The following CLMP variants were observed in gnomAD, a reference collection of about 807,000 sequenced individuals.
The protein encoded by CLMP is CXADR like cell adhesion molecule, also known as CXADR-like membrane protein.
Under a neutral mutation model 45.2 loss-of-function variants are expected in CLMP, and 27 were observed. The ratio of observed to expected loss-of-function variants is 0.60; its 90% CI spans 0.44 to 0.82. The LOEUF (loss-of-function observed/expected upper bound fraction) is 0.82. Among genes scored for constraint, CLMP ranks in the 40% least tolerant of loss-of-function variants. The pLI is 0.00. For synonymous variants in CLMP, 167 were observed against 171.4 expected (o/e 0.97, Z 0.20); for missense variants, 403 against 448.4 (o/e 0.90, Z 0.91).
chr11:123,073,499 T>C lies in CLMP; in HGVS notation c.1097A>G (p.Gln366Arg), dbSNP rs1865697722. Residue 366 changes from glutamine to arginine, a missense_variant, in exon 7 of 7, where the codon CAG becomes CGG. By Grantham distance (43) the Gln-to-Arg change is conservative. Coordinates refer to ENST00000448775, the MANE Select transcript of CLMP (RefSeq NM_024769.5). ...AETTPSMIPS[Q>R]SRAFQTV is the part of the protein sequence containing the mutation. ...TCAGACCGTTTGGAAGGCTCTGCTC[T>C]GGCTGGGGATCATGCTGGGTGTGGT... 6.2e-7 allele frequency: 1 copy of C among 1,613,856 alleles called. No homozygotes were observed. The highest frequency in any genetic ancestry group is 8.5e-7 in the Non-Finnish European group (1 of 1,179,864).
intron 1 of CLMP, among the ~76,000 whole-genome samples, chr11:123,106,279 T>C (rs1860547958): frequency 6.6e-6 from 1 of 152,132 alleles, no homozygotes; most frequent in Non-Finnish European, 1.5e-5. Context: ...TTGTATGCCT[T>C]TTCTCCTATT....
At chr11:123,101,399 A>C (rs1866058053) in intron 1 of CLMP, among the ~76,000 whole-genome samples, 1 of 152,142 alleles carries the variant, frequency 6.6e-6, no homozygotes, top group Non-Finnish European at 1.5e-5. Flanking sequence ...GAGCCACCAA[A>C]CCCGGCCTCC....
intron 2 of CLMP, among the ~76,000 whole-genome samples, chr11:123,087,968 T>G (rs926841553): frequency 1.3e-5 from 2 of 150,082 alleles, no homozygotes; most frequent in African/African-American, 4.9e-5. Flanking sequence ...TGGGGTGCAA[T>G]GGCATGATCT....
intron 1 of CLMP, among the ~76,000 whole-genome samples, chr11:123,128,998 A>G (rs186141806): frequency 1.5e-4 from 23 of 152,264 alleles, no homozygotes; most frequent in Non-Finnish European, 1.5e-4. Context: ...GTTAAACTGA[A>G]GATCTGTCTG....
chr11:123,186,318 A>T (rs947271280), intron 1 of CLMP, among the ~76,000 whole-genome samples: 1 of 152,184 alleles, frequency 6.6e-6, no homozygotes, highest in Non-Finnish European at 1.5e-5. Flanking sequence ...GAAACGAACC[A>T]ACCAGTTATA....
chr11:123,094,294 G>A (rs1366134555), intron 2 of CLMP, among the ~76,000 whole-genome samples: 7 of 152,042 alleles, frequency 4.6e-5, no homozygotes, highest in African/African-American at 7.2e-5. Context: ...TTTAGTAGAG[G>A]TGGGGTTTCA....
At chr11:123,105,973 C>A (rs1266784067) in intron 1 of CLMP, among the ~76,000 whole-genome samples, 1 of 151,934 alleles carries the variant, frequency 6.6e-6, no homozygotes, top group Admixed American at 6.6e-5. Context: ...CACGCCACCA[C>A]GCCTGGCTAA....
intron 1 of CLMP, among the ~76,000 whole-genome samples, chr11:123,139,651 C>A (rs1861126324): frequency 6.6e-6 from 1 of 151,986 alleles, no homozygotes. Context: ...ATGGTGAAAC[C>A]TCGTCTCTAC....
intron 1 of CLMP, 36 bp downstream of exon 1, chr11:123,194,877 G>A: frequency 6.2e-7 from 1 of 1,612,710 alleles, no homozygotes; most frequent in South Asian, 1.1e-5. Context: ...GTTTGCCCAC[G>A]GCCATCCAAA....
At chr11:123,108,056 G>T (rs955919587) in intron 1 of CLMP, among the ~76,000 whole-genome samples, 1 of 152,138 alleles carries the variant, frequency 6.6e-6, no homozygotes, top group East Asian at 1.9e-4. Flanking sequence ...GGAGGGAAAA[G>T]AATTCTAGAC....
intron 1 of CLMP, among the ~76,000 whole-genome samples, chr11:123,139,587 G>C (rs1431378428): frequency 6.6e-6 from 1 of 152,164 alleles, no homozygotes; most frequent in African/African-American, 2.4e-5. Context: ...AGCACATTGG[G>C]AGGCTGAAGC....
intron 1 of CLMP, among the ~76,000 whole-genome samples, chr11:123,107,768 T>C (rs1860581148): frequency 6.6e-6 from 1 of 151,820 alleles, no homozygotes; most frequent in Non-Finnish European, 1.5e-5. Flanking sequence ...TGTTAGCATT[T>C]GGCTATATTT....
chr11:123,141,318 G>A (rs1342419011), intron 1 of CLMP, among the ~76,000 whole-genome samples: 3 of 151,238 alleles, frequency 2.0e-5, no homozygotes, highest in Non-Finnish European at 4.4e-5. Context: ...CCGAGTAGCT[G>A]GGACTACAGG....
intron 1 of CLMP, among the ~76,000 whole-genome samples, chr11:123,107,018 C>CAA (rs1244006146): frequency 7.9e-6 from 1 of 126,692 alleles, no homozygotes; most frequent in Non-Finnish European, 1.7e-5. Context: ...GACTCCGTCT[C>CAA]AAAAAAAAAA....
intron 1 of CLMP, among the ~76,000 whole-genome samples, chr11:123,125,504 C>CCTTCCCT (rs1296544541): frequency 1.4e-5 from 1 of 71,094 alleles, no homozygotes; most frequent in African/African-American, 5.5e-5. Flanking sequence ...TCCCTTCTTC[C>CCTTCCCT]TCCCTTCCCT....
intron 1 of CLMP, among the ~76,000 whole-genome samples, chr11:123,153,841 C>A (rs1001450842): frequency 1.4e-5 from 2 of 138,810 alleles, no homozygotes; most frequent in African/African-American, 2.8e-5. Context: ...TGCCACCATG[C>A]CTCACTTTTT....
chr11:123,144,911 C>G (rs923467909), intron 1 of CLMP, among the ~76,000 whole-genome samples: 5 of 152,034 alleles, frequency 3.3e-5, no homozygotes, highest in Admixed American at 6.6e-5. Context: ...CCTGCTGTCC[C>G]GGTTTTTCAG....
At chr11:123,146,583 C>G (rs1861241527) in intron 1 of CLMP, among the ~76,000 whole-genome samples, 2 of 152,142 alleles carry the variant, frequency 1.3e-5, no homozygotes, top group Admixed American at 1.3e-4. Flanking sequence ...TCTTAAAATT[C>G]TGGCCTCAGC....
At chr11:123,136,529 T>A (rs960505982) in intron 1 of CLMP, among the ~76,000 whole-genome samples, 1 of 147,572 alleles carries the variant, frequency 6.8e-6, no homozygotes, top group Non-Finnish European at 1.5e-5. Context: ...TAATATTTCA[T>A]GGCTGGAACT....
Sources: gnomAD v4.1 joint callset for allele counts (sites outside exome capture counted in the v4.1 genomes callset) on GRCh38, gnomAD v4.1.1 for gene constraint, MANE v1.5 for transcripts, NCBI Gene and HGNC (gene_info 2026-07-23, HGNC 2026-07-21) for gene names.